IPO11: variants seen among roughly 807,000 people sequenced by gnomAD.
IPO11 encodes importin-11.
In IPO11, 66 loss-of-function variants were observed where a neutral mutation model predicts 143.2. The ratio of observed to expected loss-of-function variants is 0.46; its 90% CI spans 0.38 to 0.57. The LOEUF is 0.57. Ranked by LOEUF, IPO11 falls within the 20% of genes least tolerant of loss-of-function variation. The probability of loss-of-function intolerance (pLI) is 0.00; values close to 1 mark genes in which losing one functional copy is unlikely to be tolerated. For synonymous variants in IPO11, 385 were observed against 377.8 expected, an observed-to-expected ratio of 1.02 and a Z score of -0.22; for missense variants, 1,026 against 1,141.0, an observed-to-expected ratio of 0.90 and a Z score of 1.45.
In IPO11 at chr5:62,536,670, G is replaced by T. The variant is rs764940212; in HGVS notation, c.2090-32G>T. ...CTAATTTTGAGCAGTGAATTAATTT[G>T]GTTTTTTGTTTGACATTTATTGTTT... is the stretch of plus-strand genomic sequence containing the variant. On this transcript the variant is annotated intron_variant, in intron 22 of 29. Transcript: ENST00000325324. 5.8e-6 allele frequency: 9 copies of T among 1,563,978 alleles called. No individual in the cohort carries two copies. In the South Asian group the frequency reaches 1.1e-4, roughly 19 times the overall value.
rs554699075 is a variant in IPO11 at position 62,553,314 on chromosome 5, A to G, written c.2460+1978A>G. ...TCATTCTTTTTTGAGGTCGAATAGTATTCGTGTGAGTGTGTGTGTGTGTGT... is the reference window on the plus strand; with the variant it reads ...TCATTCTTTTTTGAGGTCGAATAGTGTTCGTGTGAGTGTGTGTGTGTGTGT... On this transcript the variant is annotated intron_variant, in intron 26 of 29. Coordinates refer to ENST00000325324, the MANE Select transcript of IPO11 (RefSeq NM_016338.5). Among the ~76,000 whole-genome samples, 6 of 142,832 alleles carry G rather than the reference A, an allele frequency of 4.2e-5. No individual in the cohort carries two copies. The East Asian group carries it at 8.2e-4, about 20-fold the overall frequency. 93.7% of individuals were successfully genotyped at this position (142,832 alleles called of 152,430 possible). A position where few individuals can be genotyped will look rare whatever the true frequency, so the allele number is the denominator to read the frequency against.
intron 27 of IPO11, chr5:62,579,072 A>T (rs1561370919): frequency 3.9e-6 from 1 of 255,734 alleles, no homozygotes; most frequent in African/African-American, 2.3e-5. Context: ...ATTAGACTTT[A>T]TGTTGTTAAA....
chr5:62,580,295 A>G, intron 27 of IPO11: 8 of 1,539,260 alleles, frequency 5.2e-6, no homozygotes, highest in Non-Finnish European at 7.0e-6. Context: ...TTAAGTCATA[A>G]TGATTTAGAG....
intron 20 of IPO11, among the ~76,000 whole-genome samples, chr5:62,518,183 C>G (rs1026555017): frequency 6.6e-6 from 1 of 150,490 alleles, no homozygotes; most frequent in African/African-American, 2.4e-5. Context: ...CAGTGACTCA[C>G]GCCTGTAATC....
Position 62,443,016 on chromosome 5 carries a change from G to A in IPO11, c.172G>A (p.Val58Ile). The change falls in exon 3 of 30, where the codon GTA becomes ATA. Residue 58 changes from valine to isoleucine, a missense_variant. Coordinates refer to ENST00000325324, the MANE Select transcript of IPO11 (RefSeq NM_016338.5). ...CACCAACCACACTTTGGATATAAAT[G>A]TAAGGTGGCTTGCTGTACTGTATTT... ...IFTNHTLDIN[V>I]RWLAVLYFKH... 1 of 1,610,954 alleles carries A rather than the reference G, an allele frequency of 6.2e-7. No individual in the cohort carries two copies. Among genetic ancestry groups the A allele is most frequent in the Non-Finnish European group, 8.5e-7 (1 of 1,178,268 alleles).
chr5:62,627,761 C>T lies in IPO11; in HGVS notation c.*443C>T, dbSNP rs1746637642. The stretch of plus-strand genomic sequence containing the variant: ...AGGTTTGAAAAATGACAAAGCTGTT[C>T]AGATGATGCTATTAAAGAAATGTGT... On this transcript the variant is annotated 3_prime_UTR_variant, in exon 30 of 30. Transcript: ENST00000325324. 2 of 153,280 alleles carry T rather than the reference C, an allele frequency of 1.3e-5. No individual in the cohort carries two copies. The highest frequency in any genetic ancestry group is 4.1e-4 in the South Asian group (2 of 4,870). The allele number at this position is 153,280 out of a possible 1,614,324, so 9.5% of individuals were successfully genotyped here.
chr5:62,561,085 C>T, intron 26 of IPO11, 51 bp from the exon 27 acceptor site: 3 of 1,510,676 alleles, frequency 2.0e-6, no homozygotes, highest in Non-Finnish European at 1.8e-6. Flanking sequence ...TATTTACCCA[C>T]AAGTAAAACA....
chr5:62,551,179 G>A (rs775780145), intron 25 of IPO11, 44 bp from the exon 26 acceptor site: 1 of 1,058,706 alleles, frequency 9.4e-7, no homozygotes. Context: ...GTTTTTACTT[G>A]TACCATAACA....
intron 1 of IPO11, among the ~76,000 whole-genome samples, chr5:62,427,595 G>A (rs1174518104): frequency 6.6e-6 from 1 of 152,210 alleles, no homozygotes; most frequent in Non-Finnish European, 1.5e-5. Context: ...CAGATCAGCA[G>A]CAGCATTAGA....
chr5:62,567,106 C>T (rs906445235), intron 27 of IPO11, among the ~76,000 whole-genome samples: 1 of 152,146 alleles, frequency 6.6e-6, no homozygotes, highest in Non-Finnish European at 1.5e-5. Context: ...GTAAGACAGG[C>T]CTGTGGTGAT....
chr5:62,580,735 G>C, intron 27 of IPO11: 1 of 1,551,384 alleles, frequency 6.4e-7, no homozygotes, highest in Non-Finnish European at 8.7e-7. Context: ...GCTAATGATG[G>C]CCTGGCATAA....
intron 8 of IPO11, among the ~76,000 whole-genome samples, chr5:62,475,329 T>G (rs1323908105): frequency 6.6e-6 from 1 of 152,168 alleles, no homozygotes; most frequent in Admixed American, 6.5e-5. Context: ...GAGACCAGCC[T>G]GGGCAACATG....
chr5:62,475,810 T>G (rs1561326029), intron 8 of IPO11, among the ~76,000 whole-genome samples: 1 of 152,206 alleles, frequency 6.6e-6, no homozygotes, highest in Non-Finnish European at 1.5e-5. Context: ...ACTATAGCAT[T>G]TATATTTGTG....
intron 26 of IPO11, among the ~76,000 whole-genome samples, chr5:62,559,960 CTT>C (rs753521039): frequency 5.0e-4 from 69 of 139,152 alleles, no homozygotes; most frequent in Non-Finnish European, 9.5e-4. Flanking sequence ...AAAAACAACT[CTT>C]AATTTGTTCA....
intron 24 of IPO11, among the ~76,000 whole-genome samples, chr5:62,542,031 C>T (rs1212127883): frequency 6.6e-6 from 1 of 152,030 alleles, no homozygotes; most frequent in African/African-American, 2.4e-5. Flanking sequence ...TTCTGCACAA[C>T]ATGACAAGAC....
In IPO11 at chr5:62,613,401, C is replaced by G. The variant is rs934986791; in HGVS notation, c.2763+11553C>G. 9.2e-5 allele frequency among the ~76,000 whole-genome samples: 13 copies of G among 141,680 alleles called. No homozygotes were observed. In the Admixed American group the frequency reaches 9.4e-4, roughly 10 times the overall value. 92.9% of individuals were successfully genotyped at this position (141,680 alleles called of 152,430 possible). A position where few individuals can be genotyped will look rare whatever the true frequency, so the allele number is the denominator to read the frequency against. ...CACTGCAACCTCTATCTGATGGGCTCAAGCCATCCTCCCACCTCAGCCCTC... is the reference window on the plus strand; with the variant it reads ...CACTGCAACCTCTATCTGATGGGCTGAAGCCATCCTCCCACCTCAGCCCTC... On this transcript the variant is annotated intron_variant, in intron 29 of 29. Coordinates refer to ENST00000325324, the MANE Select transcript of IPO11 (RefSeq NM_016338.5).
In IPO11 at chr5:62,536,831, GATT is replaced by G. The variant is rs759496440; in HGVS notation, c.2169+57_2169+59del. 272 of 1,388,066 alleles carry G rather than the reference GATT, an allele frequency of 2.0e-4. 3 individuals are homozygous for G. In the African/African-American group the frequency reaches 4.0e-3, roughly 20 times the overall value. The allele number at this position is 1,388,066 out of a possible 1,614,324, so 86.0% of individuals were successfully genotyped here. ...TATGAAATTATATAATTATTATTTTGATTATTATTTGAAATCAGGGGGTACGTT... is the reference window on the plus strand; with the variant it reads ...TATGAAATTATATAATTATTATTTTGATTATTTGAAATCAGGGGGTACGTT... On this transcript the variant is annotated intron_variant, in intron 23 of 29. Coordinates refer to ENST00000325324, the MANE Select transcript of IPO11 (RefSeq NM_016338.5).
intron 27 of IPO11, chr5:62,581,150 G>A: frequency 1.3e-6 from 2 of 1,550,940 alleles, no homozygotes; most frequent in Non-Finnish European, 1.7e-6. Flanking sequence ...GAATACTACA[G>A]CTTTTATCAG....
intron 29 of IPO11, among the ~76,000 whole-genome samples, chr5:62,619,758 C>T (rs1475779457): frequency 6.6e-6 from 1 of 151,846 alleles, no homozygotes; most frequent in South Asian, 2.1e-4. Context: ...GAGGCTGAGG[C>T]AGGAGAATGG....
Sources: gnomAD v4.1 joint callset for allele counts (sites outside exome capture counted in the v4.1 genomes callset) on GRCh38, gnomAD v4.1.1 for gene constraint, MANE v1.5 for transcripts, NCBI Gene and HGNC (gene_info 2026-07-23, HGNC 2026-07-21) for gene names.